PCDHGA5: variants seen among roughly 807,000 people sequenced by gnomAD.
PCDHGA5 encodes protocadherin gamma-A5.
A neutral mutation model predicts 56.7 loss-of-function variants in PCDHGA5; 36 were observed. The ratio of observed to expected loss-of-function variants is 0.64; its 90% CI spans 0.49 to 0.84. The LOEUF is 0.84. Ranked by LOEUF, PCDHGA5 falls within the 40% of genes least tolerant of loss-of-function variation. The pLI, the probability that PCDHGA5 is intolerant of heterozygous loss-of-function variation, is 0.00. For missense variants in PCDHGA5, 1,305 were observed against 1,201.5 expected, an observed-to-expected ratio of 1.09 and a Z score of -1.27; for synonymous variants, 563 against 520.2, an observed-to-expected ratio of 1.08 and a Z score of -1.12.
intron 1 of PCDHGA5, chr5:141,413,845 C>G: frequency 6.2e-7 from 1 of 1,613,242 alleles, no homozygotes. Flanking sequence ...CGGGGGTGAC[C>G]CTCTCCGATC....
intron 1 of PCDHGA5, chr5:141,423,829 A>G: frequency 7.9e-7 from 1 of 1,268,964 alleles, no homozygotes; most frequent in Non-Finnish European, 9.9e-7. Flanking sequence ...GCCTTTCATG[A>G]GATTACGATA....
At position 141,364,766 on chromosome 5, in the gene PCDHGA5, G is replaced by A. The variant is rs377017789; in HGVS notation, c.436G>A (p.Ala146Thr). 6 of 1,613,880 alleles carry A rather than the reference G, an allele frequency of 3.7e-6. No homozygotes were observed. The African/African-American group carries it at 8.0e-5, about 22-fold the overall frequency. ...EELKVKVNEN[A>T]AAGTRLVLPF... ...GTTAAAAGTAAAAGTTAATGAAAAT[G>A]CGGCTGCAGGGACACGGTTAGTGCT... The change falls in exon 1 of 4, where the codon GCG becomes ACG. Residue 146 changes from alanine to threonine, a missense_variant. Coordinates refer to ENST00000518069, the MANE Select transcript of PCDHGA5 (RefSeq NM_018918.3).
intron 1 of PCDHGA5, chr5:141,441,988 A>G: frequency 3.7e-6 from 1 of 269,936 alleles, no homozygotes; most frequent in Non-Finnish European, 7.3e-6. Flanking sequence ...ATGCGCACCG[A>G]CGAGGTGCTG....
At chr5:141,481,240 T>G (rs1323124277) in intron 1 of PCDHGA5, among the ~76,000 whole-genome samples, 1 of 152,208 alleles carries the variant, frequency 6.6e-6, no homozygotes, top group Non-Finnish European at 1.5e-5. Flanking sequence ...AAGTATTACA[T>G]AGCATAGCTC....
chr5:141,427,971 C>T (rs764145525), intron 1 of PCDHGA5: 1 of 1,593,512 alleles, frequency 6.3e-7, no homozygotes, highest in African/African-American at 1.3e-5. Flanking sequence ...GGTGCTGTAC[C>T]CCGCGCTGGG....
At chr5:141,422,789 TC>T (rs1561803924) in intron 1 of PCDHGA5, 44 of 1,614,158 alleles carry the variant, frequency 2.7e-5, no homozygotes, top group Non-Finnish European at 3.6e-5. Context: ...CTACAATCCT[TC>T]GACTATGAGC....
chr5:141,399,320 A>T (rs775357251), intron 1 of PCDHGA5: 2 of 1,614,010 alleles, frequency 1.2e-6, no homozygotes, highest in Non-Finnish European at 1.7e-6. Flanking sequence ...AAAAATTCGT[A>T]TAAGTTGGTA....
chr5:141,404,879 G>A (rs770577946), intron 1 of PCDHGA5: 4 of 1,613,906 alleles, frequency 2.5e-6, no homozygotes, highest in Middle Eastern at 1.6e-4. Flanking sequence ...ACAGAGCCTT[G>A]TGGTGGCTGT....
At chr5:141,445,895 A>C (rs930350527) in intron 1 of PCDHGA5, among the ~76,000 whole-genome samples, 1 of 152,212 alleles carries the variant, frequency 6.6e-6, no homozygotes, top group Admixed American at 6.5e-5. Context: ...GGAGCTATTA[A>C]AATATTTTAA....
intron 1 of PCDHGA5, among the ~76,000 whole-genome samples, chr5:141,473,366 A>T (rs1292258135): frequency 1.3e-5 from 2 of 152,202 alleles, no homozygotes; most frequent in Non-Finnish European, 2.9e-5. Context: ...GGCCACCAAA[A>T]TAGCATGGTC....
At chr5:141,403,163 A>G (rs1357883715) in intron 1 of PCDHGA5, 1 of 1,614,052 alleles carries the variant, frequency 6.2e-7, no homozygotes, top group Admixed American at 1.7e-5. Context: ...CTCTAGAGGT[A>G]GGACGCAGCT....
chr5:141,433,140 CAGGTGATTCGGTATTTTCTAAAG>C (rs2097570930), intron 1 of PCDHGA5: 1 of 1,613,948 alleles, frequency 6.2e-7, no homozygotes, highest in Non-Finnish European at 8.5e-7. Flanking sequence ...CTTTTGCTGT[CAGGTGATTCGGTATTTTCTAAAG>C]ACAGTCATGG....
chr5:141,433,192 A>G (rs756991371), intron 1 of PCDHGA5: 1 of 1,585,516 alleles, frequency 6.3e-7, no homozygotes, highest in Non-Finnish European at 8.6e-7. Flanking sequence ...AGGTGAGTTT[A>G]TATCAAATCT....
chr5:141,421,125 C>G, intron 1 of PCDHGA5: 1 of 804,210 alleles, frequency 1.2e-6, no homozygotes, highest in Admixed American at 3.0e-5. Flanking sequence ...CCTTCGCTTT[C>G]TGATATATTT....
intron 1 of PCDHGA5, chr5:141,399,208 C>G: frequency 6.2e-7 from 1 of 1,613,958 alleles, no homozygotes; most frequent in Non-Finnish European, 8.5e-7. Context: ...GCCTGGAACA[C>G]TAATTGCTTT....
chr5:141,490,061 A>G lies in PCDHGA5; in HGVS notation c.2422-4746A>G, dbSNP rs1562135413. On this transcript the variant is annotated intron_variant, in intron 1 of 3. Transcript: ENST00000518069. This position sits in a 1 kb window ranked among gnomAD's most constrained non-coding sequence, Gnocchi z 5.4. Reference sequence around the variant, plus strand: ...GCCACTGATCCAGACGAGGGCACCAACGGCCAACTAGACTATTCTTTTGGA... The same window carrying G: ...GCCACTGATCCAGACGAGGGCACCAGCGGCCAACTAGACTATTCTTTTGGA... 1.2e-6 allele frequency: 2 copies of G among 1,614,214 alleles called. No individual in the cohort carries two copies. Among genetic ancestry groups the G allele is most frequent in the East Asian group, 2.2e-5 (1 of 44,884 alleles).
intron 1 of PCDHGA5, chr5:141,403,564 G>A (rs2094422320): frequency 2.5e-6 from 4 of 1,613,834 alleles, no homozygotes; most frequent in Non-Finnish European, 2.5e-6. Context: ...ACAGGGAGGA[G>A]GCAACTGCCC....
chr5:141,390,340 A>T (rs762864171), intron 1 of PCDHGA5: 2 of 1,586,842 alleles, frequency 1.3e-6, no homozygotes, highest in South Asian at 2.3e-5. Context: ...CCATATTCAC[A>T]AGAAAATATA....
Position 141,366,709 on chromosome 5 carries a change from G to C in PCDHGA5, c.2379G>C (p.Met793Ile). The change falls in exon 1 of 4, where the codon ATG becomes ATC. Residue 793 changes from methionine to isoleucine, a missense_variant. Met to Ile is a conservative substitution (Grantham distance 10, BLOSUM62 1). Transcript: ENST00000518069. ...ESCEKSEPLL[M>I]SDKVDANKEE... is the part of the protein sequence containing the mutation. ...GTGAGAAAAGCGAGCCTCTTCTGAT[G>C]TCTGATAAGGTAGATGCAAACAAAG... 2.5e-6 allele frequency: 4 copies of C among 1,614,228 alleles called. No individual in the cohort carries two copies. The highest frequency in any genetic ancestry group is 2.5e-6 in the Non-Finnish European group (3 of 1,180,020).
Sources: gnomAD v4.1 joint callset for allele counts (sites outside exome capture counted in the v4.1 genomes callset) on GRCh38, gnomAD v4.1.1 for gene constraint, Gnocchi (gnomAD v3.1) non-coding constraint, MANE v1.5 for transcripts, NCBI Gene and HGNC (gene_info 2026-07-23, HGNC 2026-07-21) for gene names.